Variants in HSF2BP observed in about 807,000 individuals in gnomAD.
HSF2BP encodes the protein heat shock transcription factor 2 binding protein.
HSF2BP carries 35 observed loss-of-function variants against 35.0 expected under a neutral mutation model. The ratio of observed to expected loss-of-function variants is 1.00; its 90% CI spans 0.76 to 1.32. HSF2BP has a LOEUF of 1.32. HSF2BP is among the 40% of genes most tolerant of loss of function. The pLI is 0.00. For missense variants in HSF2BP, 326 were observed against 321.7 expected (o/e 1.01, Z -0.10); for synonymous variants, 114 against 117.4 (o/e 0.97, Z 0.18).
chr21:43,628,417 A>G (rs1056126985), intron 6 of HSF2BP, among the ~76,000 whole-genome samples: 1 of 152,268 alleles, frequency 6.6e-6, no homozygotes, highest in African/African-American at 2.4e-5. Flanking sequence ...AAATCCCTTA[A>G]GCCAAAGCCT....
chr21:43,615,931 A>G (rs1419379665), intron 6 of HSF2BP, among the ~76,000 whole-genome samples: 2 of 151,932 alleles, frequency 1.3e-5, no homozygotes, highest in African/African-American at 2.4e-5. Flanking sequence ...TCCCTGCCAA[A>G]CCTGACCAAA....
the HSF2BP span, among the ~76,000 whole-genome samples, chr21:43,458,113 A>G: frequency 2.0e-5 from 2 of 100,770 alleles, 1 homozygote; most frequent in Non-Finnish European, 4.1e-5. Flanking sequence ...TGGGCCCCCG[A>G]CTTCCCTTCT....
chr21:43,615,915 A>C (rs2082263605), intron 6 of HSF2BP, among the ~76,000 whole-genome samples: 1 of 152,140 alleles, frequency 6.6e-6, no homozygotes, highest in South Asian at 2.1e-4. Context: ...CAGCAACAGC[A>C]AACTGTCCCT....
At chr21:43,604,995 CCA>C (rs2082112848) in intron 7 of HSF2BP, among the ~76,000 whole-genome samples, 2 of 148,690 alleles carry the variant, frequency 1.3e-5, no homozygotes, top group Admixed American at 1.3e-4. Flanking sequence ...ACACATCACA[CCA>C]CACACATCAG....
intron 3 of HSF2BP, among the ~76,000 whole-genome samples, chr21:43,649,064 A>C (rs1012834124): frequency 1.3e-5 from 2 of 151,864 alleles, no homozygotes; most frequent in Non-Finnish European, 2.9e-5. Flanking sequence ...TAATTAAAAA[A>C]ATTTTTTTGA....
chr21:43,655,814 G>T (rs1361507587), intron 3 of HSF2BP, among the ~76,000 whole-genome samples: 1 of 152,154 alleles, frequency 6.6e-6, no homozygotes, highest in Non-Finnish European at 1.5e-5. Context: ...CTTCTAACTG[G>T]ATGTGGCTGG....
intron 8 of HSF2BP, among the ~76,000 whole-genome samples, chr21:43,573,944 T>C (rs553470861): frequency 4.6e-5 from 7 of 152,176 alleles, no homozygotes; most frequent in Non-Finnish European, 1.0e-4. Flanking sequence ...GAAGTCATCT[T>C]GTCTGCATGG....
intron 6 of HSF2BP, among the ~76,000 whole-genome samples, chr21:43,617,241 T>C (rs904700321): frequency 2.6e-5 from 4 of 151,836 alleles, no homozygotes; most frequent in African/African-American, 9.7e-5. Context: ...AAAAAAAATA[T>C]ATATATATGT....
At chr21:43,656,841 T>C in intron 2 of HSF2BP, 104 bp from the exon 3 acceptor site, 1 of 898,230 alleles carries the variant, frequency 1.1e-6, no homozygotes, top group Admixed American at 2.3e-5. Context: ...TGCATCGTTG[T>C]TTCAAATCAT....
chr21:43,644,448 A>G, intron 3 of HSF2BP, 56 bp from the exon 4 acceptor site: 1 of 1,393,162 alleles, frequency 7.2e-7, no homozygotes, highest in Non-Finnish European at 1.0e-6. Context: ...TCTCTCCCTA[A>G]GCATCTATTT....
At chr21:43,620,252 C>A (rs2082316775) in intron 6 of HSF2BP, among the ~76,000 whole-genome samples, 1 of 152,170 alleles carries the variant, frequency 6.6e-6, no homozygotes, top group South Asian at 2.1e-4. Flanking sequence ...AAGCAAGGAA[C>A]CAGTGACTGT....
rs902676205 is a variant in HSF2BP, at chr21:43,597,797, A to G, written c.693-5469T>C. On this transcript the variant is annotated intron_variant, in intron 7 of 8. Transcript: ENST00000291560. The surrounding 1 kb of genome is among the most constrained non-coding windows in gnomAD (Gnocchi z 4.3). ...CTCCCAAAGTGCTGGGATTACAGGC[A>G]TAAGCCATTGTGCCCAGCCCAAAAT... 6.6e-6 allele frequency among the ~76,000 whole-genome samples: 1 copy of G among 152,252 alleles called. No individual in the cohort carries two copies. Among genetic ancestry groups the G allele is most frequent in the Non-Finnish European group, 1.5e-5 (1 of 68,046 alleles).
At chr21:43,656,848 T>G in intron 2 of HSF2BP, 111 bp from the exon 3 acceptor site, 1 of 840,116 alleles carries the variant, frequency 1.2e-6, no homozygotes, top group Non-Finnish European at 1.9e-6. Flanking sequence ...TTGTTTCAAA[T>G]CATGTCTCTA....
At chr21:43,581,834 G>T (rs1365380192) in intron 8 of HSF2BP, among the ~76,000 whole-genome samples, 1 of 151,024 alleles carries the variant, frequency 6.6e-6, no homozygotes, top group Admixed American at 6.6e-5. Flanking sequence ...GGAGATGAGG[G>T]CCTGCTGAGG....
chr21:43,576,736 A>C (rs1360020092), intron 8 of HSF2BP, among the ~76,000 whole-genome samples: 2 of 152,370 alleles, frequency 1.3e-5, no homozygotes, highest in African/African-American at 4.8e-5. Flanking sequence ...AAGTGAAGTG[A>C]AACATGGCGA....
the HSF2BP span, among the ~76,000 whole-genome samples, chr21:43,501,397 CTTTTTTTTT>C: frequency 1.5e-5 from 1 of 65,232 alleles, no homozygotes; most frequent in African/African-American, 9.4e-5. Context: ...CTGTAGCTGT[CTTTTTTTTT>C]TTTTTTTTTT....
intron 8 of HSF2BP, among the ~76,000 whole-genome samples, chr21:43,580,324 C>G (rs182551472): frequency 2.0e-5 from 3 of 152,278 alleles, no homozygotes; most frequent in Admixed American, 2.0e-4. Context: ...TGTATCCTGA[C>G]CAGACTACAC....
chr21:43,641,457 T>C (rs1167260759), intron 4 of HSF2BP, among the ~76,000 whole-genome samples: 1 of 152,116 alleles, frequency 6.6e-6, no homozygotes, highest in Non-Finnish European at 1.5e-5. Context: ...CAACAAAATC[T>C]CTGTGGAGGA....
rs190363568 is a variant in HSF2BP, at chr21:43,580,287, C to T, written c.796+11938G>A. Among the ~76,000 whole-genome samples the T allele has an allele frequency of 4.5e-4, 68 of 152,304 alleles. No homozygotes were observed. In the South Asian group the frequency reaches 9.1e-3, roughly 20 times the overall value. On this transcript the variant is annotated intron_variant, in intron 8 of 8. Coordinates refer to ENST00000291560, the MANE Select transcript of HSF2BP (RefSeq NM_007031.2). Reference sequence around the variant, plus strand: ...ATTCATCTTCATGTAAACTCACTCCCCTTTCTCAATGTGCCTATGAGTTAA... The same window carrying T: ...ATTCATCTTCATGTAAACTCACTCCTCTTTCTCAATGTGCCTATGAGTTAA...
Sources: allele counts gnomAD v4.1 joint callset (sites outside exome capture counted in the v4.1 genomes callset), GRCh38; gene constraint gnomAD v4.1.1; non-coding constraint Gnocchi (gnomAD v3.1); transcripts MANE v1.5; gene names NCBI Gene and HGNC (gene_info 2026-07-23, HGNC 2026-07-21).